The following HTR1F variants were observed in gnomAD, a reference collection of about 807,000 sequenced individuals.
HTR1F encodes the protein 5-hydroxytryptamine (serotonin) receptor 1F, G protein-coupled.
Under a neutral mutation model 24.0 loss-of-function variants are expected in HTR1F, and 17 were observed. That is an observed-to-expected ratio of 0.71 (90% CI 0.48 to 1.06). The LOEUF (loss-of-function observed/expected upper bound fraction) is 1.06. Among genes scored for constraint, HTR1F ranks in the 50% least tolerant of loss-of-function variants. The pLI, the probability that HTR1F is intolerant of heterozygous loss-of-function variation, is 0.00. For synonymous variants in HTR1F, 186 were observed against 156.8 expected, an observed-to-expected ratio of 1.19 and a Z score of -1.39; for missense variants, 391 against 427.8, an observed-to-expected ratio of 0.91 and a Z score of 0.76.
At chr3:87,967,018 A>G (rs758309606) in intron 2 of HTR1F, among the ~76,000 whole-genome samples, 247 of 152,338 alleles carry the variant, frequency 1.6e-3, no homozygotes, top group Admixed American at 1.8e-3. Flanking sequence ...AATTATTTAC[A>G]TAATTTATTG....
intron 2 of HTR1F, among the ~76,000 whole-genome samples, chr3:87,957,261 T>C (rs533295824): frequency 2.0e-4 from 31 of 151,478 alleles, no homozygotes; most frequent in African/African-American, 7.2e-4. Context: ...TTATATTGAT[T>C]GATTTCTTAA....
chr3:87,824,698 G>A (rs894008467), intron 2 of HTR1F, among the ~76,000 whole-genome samples: 4 of 152,142 alleles, frequency 2.6e-5, no homozygotes, highest in Non-Finnish European at 5.9e-5. Context: ...CAGTGTCCTG[G>A]ACTGGGACAT....
chr3:87,966,917 A>G (rs1705174359), intron 2 of HTR1F, among the ~76,000 whole-genome samples: 1 of 152,086 alleles, frequency 6.6e-6, no homozygotes, highest in Non-Finnish European at 1.5e-5. Context: ...ATTTGCATTA[A>G]CTCATATACT....
At chr3:87,969,568 C>T (rs993576339) in intron 2 of HTR1F, among the ~76,000 whole-genome samples, 1 of 152,190 alleles carries the variant, frequency 6.6e-6, no homozygotes, top group African/African-American at 2.4e-5. Flanking sequence ...AGTGCCTTTA[C>T]CCCTACTGTA....
intron 2 of HTR1F, among the ~76,000 whole-genome samples, chr3:87,832,951 G>A (rs187144271): frequency 1.3e-5 from 2 of 152,314 alleles, no homozygotes; most frequent in East Asian, 3.9e-4. Context: ...TCAGACTGGT[G>A]TAACAGGACT....
intron 2 of HTR1F, among the ~76,000 whole-genome samples, chr3:87,934,616 G>C (rs1456465496): frequency 6.6e-6 from 1 of 152,114 alleles, no homozygotes; most frequent in African/African-American, 2.4e-5. Flanking sequence ...TCCTTTGCTT[G>C]ACTTCATCTC....
In HTR1F at chr3:87,846,190, T is replaced by G. The variant is rs1051057496; in HGVS notation, c.-43+24066T>G. Among the ~76,000 whole-genome samples, 20 of 151,980 alleles carry G rather than the reference T, an allele frequency of 1.3e-4. 1 individual carries two copies. The highest frequency in any genetic ancestry group is 4.8e-4 in the African/African-American group (20 of 41,248). On this transcript the variant is annotated intron_variant, in intron 2 of 2. Coordinates refer to ENST00000319595, the MANE Select transcript of HTR1F (RefSeq NM_001322209.2). ...GCTCACGCCTGTAATCCCAGCACTT[T>G]GGGAGGCTGAGACAGGTGGATCACC...
intron 2 of HTR1F, among the ~76,000 whole-genome samples, chr3:87,867,904 T>A (rs2919282): frequency 6.6e-6 from 1 of 151,912 alleles, no homozygotes; most frequent in African/African-American, 2.4e-5. Context: ...TCATTAATTA[T>A]AAGTTTATAT....
chr3:87,819,282 A>C (rs946444208), intron 1 of HTR1F, among the ~76,000 whole-genome samples: 3 of 152,186 alleles, frequency 2.0e-5, no homozygotes, highest in African/African-American at 7.2e-5. Context: ...CCCCACAACC[A>C]GACACACATA....
At chr3:87,933,551 A>G (rs948692660) in intron 2 of HTR1F, among the ~76,000 whole-genome samples, 1 of 149,768 alleles carries the variant, frequency 6.7e-6, no homozygotes, top group Non-Finnish European at 1.5e-5. Flanking sequence ...GCATTATTAT[A>G]CACCAATAAC....
intron 2 of HTR1F, among the ~76,000 whole-genome samples, chr3:87,956,991 T>G (rs1704958500): frequency 6.6e-6 from 1 of 151,252 alleles, no homozygotes; most frequent in Admixed American, 6.6e-5. Flanking sequence ...TGACATACAA[T>G]GCTGAATAGA....
At chr3:87,854,889 T>C (rs1161898416) in intron 2 of HTR1F, among the ~76,000 whole-genome samples, 2 of 152,024 alleles carry the variant, frequency 1.3e-5, no homozygotes, top group African/African-American at 4.8e-5. Flanking sequence ...AGAAATGTTA[T>C]TGTTTTGTTC....
chr3:87,851,531 TCTTA>T (rs1705086305), intron 2 of HTR1F, among the ~76,000 whole-genome samples: 1 of 151,706 alleles, frequency 6.6e-6, no homozygotes, highest in Non-Finnish European at 1.5e-5. Context: ...TCTGTTTGCA[TCTTA>T]CTTTTATTGC....
intron 2 of HTR1F, among the ~76,000 whole-genome samples, chr3:87,827,689 A>G (rs1482024260): frequency 7.2e-5 from 11 of 152,200 alleles, no homozygotes; most frequent in African/African-American, 2.2e-4. Context: ...AAATTTAACA[A>G]CCTTCAAAAT....
intron 2 of HTR1F, among the ~76,000 whole-genome samples, chr3:87,962,992 G>A (rs1233956961): frequency 1.3e-5 from 2 of 151,686 alleles, no homozygotes; most frequent in South Asian, 4.2e-4. Context: ...ATTCTTAATA[G>A]AGCAAATAAT....
At position 87,860,196 on chromosome 3, in the gene HTR1F, G is replaced by A. The variant is rs146379581; in HGVS notation, c.-43+38072G>A. ...TCTAGGTGGCATATGCATTTTTAAC[G>A]TGGAAAATTGAAAGTTTTAAATGAA... On this transcript the variant is annotated intron_variant, in intron 2 of 2. Transcript: ENST00000319595. Among the ~76,000 whole-genome samples, 26 of 152,192 alleles carry A rather than the reference G, an allele frequency of 1.7e-4. No homozygotes were observed. The East Asian group carries it at 3.7e-3, about 21-fold the overall frequency.
chr3:87,794,215 C>T (rs1703865073), intron 1 of HTR1F, among the ~76,000 whole-genome samples: 2 of 151,838 alleles, frequency 1.3e-5, no homozygotes, highest in Admixed American at 1.3e-4. Context: ...AAGACTCTGC[C>T]ATCGCCTCTG....
intron 2 of HTR1F, among the ~76,000 whole-genome samples, chr3:87,914,823 T>C (rs1703857124): frequency 6.6e-6 from 1 of 151,566 alleles, no homozygotes; most frequent in Non-Finnish European, 1.5e-5. Context: ...CACCACTATT[T>C]CCTCCCCATA....
At chr3:87,807,984 T>C (rs1011810290) in intron 1 of HTR1F, among the ~76,000 whole-genome samples, 3 of 152,098 alleles carry the variant, frequency 2.0e-5, no homozygotes, top group Admixed American at 6.6e-5. Context: ...TTGATAGTGG[T>C]ATATTATTTT....
Sources: allele counts gnomAD v4.1 joint callset (sites outside exome capture counted in the v4.1 genomes callset), GRCh38; gene constraint gnomAD v4.1.1; transcripts MANE v1.5; gene names NCBI Gene and HGNC (gene_info 2026-07-23, HGNC 2026-07-21).